The following SLC14A2 variants were observed in gnomAD, a reference collection of about 807,000 sequenced individuals.
SLC14A2 encodes the protein solute carrier family 14 member 2.
A neutral mutation model predicts 104.6 loss-of-function variants in SLC14A2; 91 were observed. The ratio of observed to expected loss-of-function variants is 0.87; its 90% CI spans 0.73 to 1.04. The LOEUF is 1.04. Ranked by LOEUF, SLC14A2 falls within the 50% of genes least tolerant of loss-of-function variation. The pLI is 0.00. For synonymous variants in SLC14A2, 476 were observed against 466.4 expected (o/e 1.02, Z -0.27); for missense variants, 1,189 against 1,156.0 (o/e 1.03, Z -0.41).
At chr18:45,308,641 G>C (rs1270583487) in intron 1 of SLC14A2, among the ~76,000 whole-genome samples, 3 of 152,158 alleles carry the variant, frequency 2.0e-5, no homozygotes, top group Admixed American at 2.0e-4. Flanking sequence ...TCTCCTTGGA[G>C]CTGTCAGTGC....
intron 1 of SLC14A2, among the ~76,000 whole-genome samples, chr18:45,410,879 A>G (rs1424154707): frequency 1.3e-5 from 2 of 152,226 alleles, no homozygotes; most frequent in Non-Finnish European, 2.9e-5. Flanking sequence ...AGATGACGTG[A>G]TAGCATTAGA....
chr18:45,474,756 A>C (rs922021523), intron 1 of SLC14A2, among the ~76,000 whole-genome samples: 1 of 151,430 alleles, frequency 6.6e-6, no homozygotes, highest in African/African-American at 2.4e-5. Flanking sequence ...TGTCTATTTG[A>C]TTCTTCTCTC....
intron 1 of SLC14A2, among the ~76,000 whole-genome samples, chr18:45,386,545 C>G (rs915334343): frequency 3.3e-5 from 5 of 152,196 alleles, no homozygotes; most frequent in African/African-American, 7.2e-5. Flanking sequence ...GGTACCATCC[C>G]GAAAAGATTT....
intron 2 of SLC14A2, among the ~76,000 whole-genome samples, chr18:45,490,443 C>T (rs964537400): frequency 2.6e-5 from 4 of 152,050 alleles, no homozygotes; most frequent in African/African-American, 9.7e-5. Flanking sequence ...TGCAAAATAA[C>T]ACAAAATATT....
intron 2 of SLC14A2, chr18:45,542,372 C>A (rs1013984562): frequency 6.6e-6 from 1 of 151,794 alleles, no homozygotes; most frequent in South Asian, 2.1e-4. Context: ...GCCAGTGTCT[C>A]AAGCATAAAA....
In SLC14A2 at chr18:45,649,893, G is replaced by A. The variant is rs75873419; in HGVS notation, c.1351+5733G>A. On this transcript the variant is annotated intron_variant, in intron 10 of 19. Transcript: ENST00000255226. The stretch of plus-strand genomic sequence containing the variant: ...ACAGTTAGTTGTCCTTTCTGTCTTC[G>A]GAGTTCGGGAATTTTATGAAGCTAA... Among the ~76,000 whole-genome samples the A allele has an allele frequency of 9.4e-3, 1,424 of 152,246 alleles. 8 individuals carry two copies. Among genetic ancestry groups the A allele is most frequent in the Non-Finnish European group, 0.014 (984 of 68,022 alleles).
intron 2 of SLC14A2, among the ~76,000 whole-genome samples, chr18:45,594,561 C>A (rs1599042845): frequency 6.6e-6 from 1 of 152,134 alleles, no homozygotes; most frequent in East Asian, 1.9e-4. Context: ...CCGGTCATTA[C>A]CTCTGTGAAC....
At position 45,246,838 on chromosome 18, in the gene SLC14A2, C is replaced by T. The variant is rs887684804; in HGVS notation, c.-125+33647C>T. Among the ~76,000 whole-genome samples the T allele has an allele frequency of 2.6e-5, 4 of 152,076 alleles. No homozygotes were observed. The South Asian group carries it at 6.2e-4, about 24-fold the overall frequency. ...AGCCTGGCCAAATATAGTGAAACCC[C>T]GTCTCTACTAAAAATACAAAAACAA... On this transcript the variant is annotated intron_variant, in intron 1 of 20. Coordinates refer to the SLC14A2 transcript ENST00000586448.
intron 3 of SLC14A2, among the ~76,000 whole-genome samples, chr18:45,626,727 A>G (rs1422308343): frequency 1.3e-5 from 2 of 151,738 alleles, no homozygotes; most frequent in Non-Finnish European, 2.9e-5. Flanking sequence ...GCCTCTGTCT[A>G]TATGGCAAAA....
chr18:45,676,343 A>C (rs999140917), intron 18 of SLC14A2, among the ~76,000 whole-genome samples: 1 of 152,192 alleles, frequency 6.6e-6, no homozygotes, highest in African/African-American at 2.4e-5. Context: ...CCGTGGAGCT[A>C]TAACTTCTGT....
At chr18:45,186,660 C>T in the SLC14A2 span, among the ~76,000 whole-genome samples, 1 of 152,180 alleles carries the variant, frequency 6.6e-6, no homozygotes, top group East Asian at 1.9e-4. Flanking sequence ...ACTCCCAGAT[C>T]TGGAGAGACA....
intron 2 of SLC14A2, among the ~76,000 whole-genome samples, chr18:45,504,981 A>G (rs1331981793): frequency 6.6e-6 from 1 of 152,244 alleles, no homozygotes; most frequent in Non-Finnish European, 1.5e-5. Flanking sequence ...GATTTGGGAA[A>G]GAATCTGCTG....
chr18:45,414,516 A>G (rs902381821), intron 1 of SLC14A2, among the ~76,000 whole-genome samples: 1 of 151,924 alleles, frequency 6.6e-6, no homozygotes, highest in Non-Finnish European at 1.5e-5. Flanking sequence ...CATGTATCCA[A>G]CAGAATCTGA....
chr18:45,503,609 C>G (rs932951482), intron 2 of SLC14A2, among the ~76,000 whole-genome samples: 1 of 152,238 alleles, frequency 6.6e-6, no homozygotes, highest in Non-Finnish European at 1.5e-5. Flanking sequence ...ACAATCTCCA[C>G]TTTTTCACCT....
chr18:45,261,212 G>C (rs1419510580), intron 1 of SLC14A2, among the ~76,000 whole-genome samples: 1 of 151,362 alleles, frequency 6.6e-6, no homozygotes, highest in Non-Finnish European at 1.5e-5. Context: ...GCCTTCCTGT[G>C]TCCATGTGTT....
upstream of SLC14A2, among the ~76,000 whole-genome samples, chr18:45,614,110 C>A (rs898273204): frequency 4.5e-4 from 69 of 152,336 alleles, no homozygotes; most frequent in African/African-American, 1.6e-3. Context: ...GACTTGGTAC[C>A]CTGCATCCCA....
chr18:45,476,073 A>G (rs1466728058), intron 1 of SLC14A2, among the ~76,000 whole-genome samples: 4 of 151,982 alleles, frequency 2.6e-5, no homozygotes, highest in Non-Finnish European at 4.4e-5. Flanking sequence ...TCTTCATAGT[A>G]TTGATGGTCT....
chr18:45,485,848 A>AG, intron 2 of SLC14A2, among the ~76,000 whole-genome samples: 1 of 152,246 alleles, frequency 6.6e-6, no homozygotes, highest in South Asian at 2.1e-4. Flanking sequence ...TCCAACTGCC[A>AG]GGAGCAATGA....
At chr18:45,547,666 C>T (rs2144872760) in intron 2 of SLC14A2, among the ~76,000 whole-genome samples, 1 of 152,278 alleles carries the variant, frequency 6.6e-6, no homozygotes, top group Non-Finnish European at 1.5e-5. Context: ...CCTTGGTCTG[C>T]TCACCTTTAA....
Sources: allele counts gnomAD v4.1 joint callset (sites outside exome capture counted in the v4.1 genomes callset), GRCh38; gene constraint gnomAD v4.1.1; transcripts MANE v1.5; gene names NCBI Gene and HGNC (gene_info 2026-07-23, HGNC 2026-07-21).